RUNX2: variants seen among roughly 807,000 people sequenced by gnomAD.
RUNX2 encodes runt-related transcription factor 2.
In RUNX2, 10 loss-of-function variants were observed where a neutral mutation model predicts 51.7. The ratio of observed to expected loss-of-function variants is 0.19; its 90% CI spans 0.12 to 0.33. RUNX2 has a LOEUF of 0.33. Among genes scored for constraint, RUNX2 ranks in the 10% least tolerant of loss-of-function variants. RUNX2 has a pLI of 1.00. For synonymous variants in RUNX2, 276 were observed against 273.6 expected, an observed-to-expected ratio of 1.01 and a Z score of -0.09; for missense variants, 562 against 691.3, an observed-to-expected ratio of 0.81 and a Z score of 2.10.
chr6:45,445,728 G>C (rs1024117505), intron 5 of RUNX2, among the ~76,000 whole-genome samples: 1 of 150,532 alleles, frequency 6.6e-6, no homozygotes, highest in African/African-American at 2.4e-5. Flanking sequence ...TTGGCTACCA[G>C]TATATAAAAC....
chr6:45,425,607 C>T (rs1798362215), intron 3 of RUNX2, among the ~76,000 whole-genome samples: 1 of 152,156 alleles, frequency 6.6e-6, no homozygotes, highest in South Asian at 2.1e-4. Flanking sequence ...AAGATCTACT[C>T]AGTATAGAAA....
chr6:45,390,374 G>A (rs1389529356), intron 2 of RUNX2, among the ~76,000 whole-genome samples: 10 of 152,186 alleles, frequency 6.6e-5, no homozygotes, highest in Admixed American at 3.9e-4. Flanking sequence ...TTCCTTGGCA[G>A]TACCCCAACC....
intron 7 of RUNX2, among the ~76,000 whole-genome samples, chr6:45,532,443 C>T (rs1181758025): frequency 1.3e-5 from 2 of 152,044 alleles, no homozygotes; most frequent in African/African-American, 4.8e-5. Flanking sequence ...CCACCGTGAT[C>T]ACCCTGTGAG....
intron 3 of RUNX2, 101 bp downstream of exon 3, chr6:45,423,058 C>T (rs1265711879): frequency 1.3e-6 from 2 of 1,482,782 alleles, no homozygotes; most frequent in Non-Finnish European, 9.1e-7. Flanking sequence ...TCCTCCAAGA[C>T]CTCCTGCCTT....
intron 2 of RUNX2, among the ~76,000 whole-genome samples, chr6:45,334,576 C>T (rs1788174341): frequency 6.6e-6 from 1 of 150,670 alleles, no homozygotes; most frequent in South Asian, 2.1e-4. Context: ...CGTGATATTC[C>T]ACAGAACTTC....
At chr6:45,403,465 T>A (rs944521477) in intron 2 of RUNX2, among the ~76,000 whole-genome samples, 11 of 152,096 alleles carry the variant, frequency 7.2e-5, no homozygotes, top group Admixed American at 7.2e-4. Flanking sequence ...ACTCCTGACT[T>A]CAGGTGATCC....
chr6:45,427,647 A>G (rs1280900183), intron 3 of RUNX2, among the ~76,000 whole-genome samples: 1 of 152,164 alleles, frequency 6.6e-6, no homozygotes, highest in Non-Finnish European at 1.5e-5. Context: ...ATTATATTTC[A>G]ATTATACCGC....
At chr6:45,404,268 AAAAAAAG>A (rs1459699292) in intron 2 of RUNX2, among the ~76,000 whole-genome samples, 17 of 141,956 alleles carry the variant, frequency 1.2e-4, no homozygotes, top group African/African-American at 3.6e-4. Context: ...TCAAAAAAAA[AAAAAAAG>A]AAAAAGAAAA....
chr6:45,440,264 C>A (rs1798804262), intron 5 of RUNX2, among the ~76,000 whole-genome samples: 1 of 152,198 alleles, frequency 6.6e-6, no homozygotes, highest in Non-Finnish European at 1.5e-5. Flanking sequence ...TTTTTCCTCC[C>A]TGTTCTTGGC....
At chr6:45,430,960 T>A (rs1798526565) in intron 3 of RUNX2, among the ~76,000 whole-genome samples, 1 of 152,198 alleles carries the variant, frequency 6.6e-6, no homozygotes. Context: ...AGCATCTCCT[T>A]ACTGGGCTCT....
intron 2 of RUNX2, among the ~76,000 whole-genome samples, chr6:45,366,022 T>C (rs576102154): frequency 1.3e-5 from 2 of 152,180 alleles, no homozygotes; most frequent in African/African-American, 2.4e-5. Flanking sequence ...ATTAAAAAAA[T>C]TGGCAAGATT....
intron 6 of RUNX2, among the ~76,000 whole-genome samples, chr6:45,508,290 G>A (rs376315626): frequency 2.1e-5 from 3 of 143,096 alleles, no homozygotes; most frequent in East Asian, 2.1e-4. Context: ...GTGCAATGGC[G>A]TGATCTCGGC....
chr6:45,387,939 T>TA (rs1325416523), intron 2 of RUNX2, among the ~76,000 whole-genome samples: 1 of 152,242 alleles, frequency 6.6e-6, no homozygotes, highest in Non-Finnish European at 1.5e-5. Flanking sequence ...TGGAAAGTCC[T>TA]ATAAGTTCCT....
intron 5 of RUNX2, among the ~76,000 whole-genome samples, chr6:45,456,952 G>A (rs1256516517): frequency 6.6e-6 from 1 of 152,124 alleles, no homozygotes; most frequent in Non-Finnish European, 1.5e-5. Flanking sequence ...TCAAATTCAA[G>A]TTGAAAAAAG....
intron 2 of RUNX2, among the ~76,000 whole-genome samples, chr6:45,387,644 G>T (rs556528734): frequency 6.6e-6 from 1 of 152,244 alleles, no homozygotes; most frequent in Admixed American, 6.5e-5. Context: ...GCTTCTATCC[G>T]CACCATTCTG....
At chr6:45,365,885 A>G (rs906101256) in intron 2 of RUNX2, among the ~76,000 whole-genome samples, 2 of 53,368 alleles carry the variant, frequency 3.7e-5, no homozygotes, top group Non-Finnish European at 5.8e-5. Flanking sequence ...CAAAAGCATT[A>G]TATTTTATAA....
In RUNX2 at chr6:45,422,789, G is replaced by GGCGGCAGCTGCA. The variant is rs1554384307; in HGVS notation, c.257_268dup (p.Ala86_Ala89dup). The stretch of plus-strand genomic sequence containing the variant: ...CTGCGGCGGCGGCGGCGGCTGCGGC[G>GGCGGCAGCTGCA]GCGGCAGCTGCAGTGCCCCGGTTGC... On this transcript the variant is annotated inframe_insertion, in exon 3 of 9. Transcript: ENST00000647337. 6.7e-7 allele frequency: 1 copy of GGCGGCAGCTGCA among 1,482,248 alleles called. No individual in the cohort carries two copies. Among genetic ancestry groups the GGCGGCAGCTGCA allele is most frequent in the Non-Finnish European group, 8.9e-7 (1 of 1,121,028 alleles). The allele number at this position is 1,482,248 out of a possible 1,614,324, so 91.8% of individuals were successfully genotyped here. A position where few individuals can be genotyped will look rare whatever the true frequency, so the allele number is the denominator to read the frequency against.
chr6:45,465,675 T>C (rs1799609237), intron 5 of RUNX2, among the ~76,000 whole-genome samples: 1 of 151,810 alleles, frequency 6.6e-6, no homozygotes. Flanking sequence ...AAGATCTCAT[T>C]TCAATTGCCC....
intron 5 of RUNX2, among the ~76,000 whole-genome samples, chr6:45,461,730 T>C (rs1799480596): frequency 6.6e-6 from 1 of 151,652 alleles, no homozygotes; most frequent in African/African-American, 2.4e-5. Context: ...GGAAGCCAAA[T>C]AGTGATAGAA....
Sources: gnomAD v4.1 joint callset for allele counts (sites outside exome capture counted in the v4.1 genomes callset) on GRCh38, gnomAD v4.1.1 for gene constraint, MANE v1.5 for transcripts, NCBI Gene and HGNC (gene_info 2026-07-23, HGNC 2026-07-21) for gene names.